Variants in PDSS2 observed in about 807,000 individuals in gnomAD.
The protein encoded by PDSS2 is decaprenyl diphosphate synthase subunit 2.
PDSS2 carries 31 observed loss-of-function variants against 44.5 expected under a neutral mutation model. The observed-to-expected ratio is 0.70, with a 90% CI of 0.52 to 0.94. PDSS2 has a LOEUF of 0.94. Among genes scored for constraint, PDSS2 ranks in the 40% least tolerant of loss-of-function variants. The pLI is 0.00. For missense variants in PDSS2, 452 were observed against 482.2 expected, an observed-to-expected ratio of 0.94 and a Z score of 0.59; for synonymous variants, 157 against 180.3, an observed-to-expected ratio of 0.87 and a Z score of 1.03.
At chr6:107,281,275 C>G (rs1440032714) in intron 2 of PDSS2, among the ~76,000 whole-genome samples, 1 of 152,026 alleles carries the variant, frequency 6.6e-6, no homozygotes, top group Admixed American at 6.6e-5. Flanking sequence ...AATTTTGAGC[C>G]CCTGCTGACT....
chr6:107,396,457 C>T (rs531416982), intron 1 of PDSS2, among the ~76,000 whole-genome samples: 313 of 152,242 alleles, frequency 2.1e-3, no homozygotes, highest in Admixed American at 7.1e-3. Flanking sequence ...TACCTGTTAT[C>T]CCATATATGA....
At chr6:107,315,019 C>G (rs1014245471) in intron 2 of PDSS2, among the ~76,000 whole-genome samples, 4 of 152,174 alleles carry the variant, frequency 2.6e-5, no homozygotes, top group Non-Finnish European at 5.9e-5. Flanking sequence ...GAAGTACCAA[C>G]CTGTACTTTA....
intron 6 of PDSS2, among the ~76,000 whole-genome samples, chr6:107,204,885 A>G (rs1772919389): frequency 6.6e-6 from 1 of 152,234 alleles, no homozygotes; most frequent in Admixed American, 6.5e-5. Flanking sequence ...TGCAACAGAA[A>G]GCCTTAAGAA....
chr6:107,364,306 C>T (rs1175944277), intron 1 of PDSS2, among the ~76,000 whole-genome samples: 2 of 151,694 alleles, frequency 1.3e-5, no homozygotes, highest in African/African-American at 2.4e-5. Flanking sequence ...TGGTGCTGGT[C>T]GGGGAGGTTC....
At chr6:107,227,142 G>A (rs1013997807) in intron 4 of PDSS2, among the ~76,000 whole-genome samples, 3 of 151,548 alleles carry the variant, frequency 2.0e-5, no homozygotes, top group African/African-American at 7.3e-5. Flanking sequence ...ACCACATCTG[G>A]CTAATGTTTT....
intron 5 of PDSS2, among the ~76,000 whole-genome samples, chr6:107,210,858 G>GC (rs905444824): frequency 7.9e-5 from 12 of 151,594 alleles, no homozygotes; most frequent in Non-Finnish European, 1.0e-4. Flanking sequence ...ACAAAAATTG[G>GC]GGGGGGTTTG....
At chr6:107,392,774 T>A (rs1301543460) in intron 1 of PDSS2, among the ~76,000 whole-genome samples, 2 of 152,232 alleles carry the variant, frequency 1.3e-5, no homozygotes, top group East Asian at 3.9e-4. Context: ...CCCTTCAATT[T>A]ACTCTAGTGT....
At position 107,226,675 on chromosome 6, in the gene PDSS2, T is replaced by C. The variant is rs551651827; in HGVS notation, c.703-14393A>G. ...CACTTTCAGGATTTTGGAATTTTTTTTTTTTTTTTTTTGAGATGGAGTCTC... is the reference window on the plus strand; with the variant it reads ...CACTTTCAGGATTTTGGAATTTTTTCTTTTTTTTTTTTGAGATGGAGTCTC... On this transcript the variant is annotated intron_variant, in intron 4 of 7. Coordinates refer to ENST00000369037, the MANE Select transcript of PDSS2 (RefSeq NM_020381.4). 2.2e-3 allele frequency among the ~76,000 whole-genome samples: 333 copies of C among 150,572 alleles called. 1 individual carries two copies. The highest frequency in any genetic ancestry group is 7.8e-3 in the African/African-American group (319 of 41,060).
intron 1 of PDSS2, among the ~76,000 whole-genome samples, chr6:107,368,882 G>T (rs748759289): frequency 6.6e-6 from 1 of 152,114 alleles, no homozygotes. Context: ...TGAAAACAAA[G>T]AACAAAATTA....
At chr6:107,176,691 C>T (rs1003463176) in intron 7 of PDSS2, among the ~76,000 whole-genome samples, 13 of 152,114 alleles carry the variant, frequency 8.5e-5, no homozygotes, top group African/African-American at 3.1e-4. Context: ...AACGCAACAG[C>T]TCATTTCGTA....
intron 1 of PDSS2, among the ~76,000 whole-genome samples, chr6:107,422,966 G>GA (rs1198828919): frequency 6.6e-6 from 1 of 151,768 alleles, no homozygotes; most frequent in Non-Finnish European, 1.5e-5. Context: ...TACTTCCATA[G>GA]AAAAAATAAA....
chr6:107,389,233 A>G (rs1299209269), intron 1 of PDSS2, among the ~76,000 whole-genome samples: 1 of 152,216 alleles, frequency 6.6e-6, no homozygotes, highest in East Asian at 1.9e-4. Flanking sequence ...AAAAAGTTTA[A>G]AAAATCAGCC....
At chr6:107,227,530 C>T (rs1773876026) in intron 4 of PDSS2, among the ~76,000 whole-genome samples, 1 of 152,078 alleles carries the variant, frequency 6.6e-6, no homozygotes, top group South Asian at 2.1e-4. Context: ...AAGTGATCTG[C>T]CTGCCTCAGC....
At chr6:107,174,868 CAATA>C (rs1771731657) in intron 7 of PDSS2, among the ~76,000 whole-genome samples, 2 of 152,170 alleles carry the variant, frequency 1.3e-5, no homozygotes, top group African/African-American at 4.8e-5. Flanking sequence ...ACAGCAATGA[CAATA>C]AAGACAATCT....
At chr6:107,163,279 A>G (rs1450108027) in intron 7 of PDSS2, among the ~76,000 whole-genome samples, 1 of 152,208 alleles carries the variant, frequency 6.6e-6, no homozygotes, top group African/African-American at 2.4e-5. Context: ...TCACAGTCCT[A>G]GAGGATTTAA....
intron 2 of PDSS2, among the ~76,000 whole-genome samples, chr6:107,303,519 A>T (rs1322373050): frequency 2.0e-5 from 3 of 152,220 alleles, no homozygotes; most frequent in Non-Finnish European, 4.4e-5. Context: ...AGCAAATGCT[A>T]TGCATTTACA....
intron 1 of PDSS2, among the ~76,000 whole-genome samples, chr6:107,397,971 C>T (rs543457690): frequency 2.0e-5 from 3 of 152,104 alleles, no homozygotes; most frequent in Non-Finnish European, 2.9e-5. Flanking sequence ...AAATTATGGA[C>T]GGGTAAAAAA....
chr6:107,255,198 A>AT (rs771098042), intron 3 of PDSS2, among the ~76,000 whole-genome samples: 5,120 of 126,344 alleles, frequency 0.041, 180 homozygotes, highest in African/African-American at 0.088. Context: ...ATTGCATTCT[A>AT]TTTTTTTTTT....
chr6:107,209,470 G>C (rs1363732396), intron 6 of PDSS2, among the ~76,000 whole-genome samples: 1 of 151,446 alleles, frequency 6.6e-6, no homozygotes, highest in Non-Finnish European at 1.5e-5. Flanking sequence ...TGAATATGAG[G>C]AATTTTAAGT....
Sources: gnomAD v4.1 joint callset for allele counts (sites outside exome capture counted in the v4.1 genomes callset) on GRCh38, gnomAD v4.1.1 for gene constraint, MANE v1.5 for transcripts, NCBI Gene and HGNC (gene_info 2026-07-23, HGNC 2026-07-21) for gene names.